Variants in TVP23B observed in about 807,000 individuals in gnomAD.
The protein encoded by TVP23B is trans-golgi network vesicle protein 23 homolog B, also known as Golgi apparatus membrane protein TVP23 homolog B.
A neutral mutation model predicts 30.6 loss-of-function variants in TVP23B; 10 were observed. The ratio of observed to expected loss-of-function variants is 0.33; its 90% CI spans 0.20 to 0.55. The LOEUF is 0.55. Among genes scored for constraint, TVP23B ranks in the 20% least tolerant of loss-of-function variants. TVP23B has a pLI of 0.91. For synonymous variants in TVP23B, 67 were observed against 83.1 expected (o/e 0.81, Z 1.06); for missense variants, 153 against 243.2 (o/e 0.63, Z 2.47).
At chr17:18,798,697 T>A (rs1282162186) in intron 4 of TVP23B, 115 bp from the exon 5 acceptor site, 2 of 1,386,900 alleles carry the variant, frequency 1.4e-6, no homozygotes, top group Non-Finnish European at 1.9e-6. Context: ...AACTTAGGAG[T>A]TGGGCTGTGT....
chr17:18,790,662 T>C (rs1217625348), intron 2 of TVP23B, among the ~76,000 whole-genome samples: 1 of 152,152 alleles, frequency 6.6e-6, no homozygotes, highest in Non-Finnish European at 1.5e-5. Context: ...TTATATTCAA[T>C]GAGGTGTTAA....
intron 1 of TVP23B, among the ~76,000 whole-genome samples, chr17:18,784,595 G>A (rs573722588): frequency 2.0e-5 from 3 of 152,280 alleles, no homozygotes; most frequent in Admixed American, 6.5e-5. Context: ...AGGTTGCAGT[G>A]AGCCAAGATC....
rs932717310 is a variant in TVP23B at position 18,805,610 on chromosome 17, A to T, written c.*43A>T. The T allele has an allele frequency of 1.1e-5, 17 of 1,592,762 alleles. 1 individual carries two copies. The highest frequency in any genetic ancestry group is 9.3e-5 in the Admixed American group (5 of 53,998). Reference sequence around the variant, plus strand: ...GCTTTGTTACATTGGGGAACAACTGAAGAGATTCTTGACTCAACCTTTTAG... The same window carrying T: ...GCTTTGTTACATTGGGGAACAACTGTAGAGATTCTTGACTCAACCTTTTAG... On this transcript the variant is annotated 3_prime_UTR_variant, in exon 7 of 7. Coordinates refer to ENST00000307767, the MANE Select transcript of TVP23B (RefSeq NM_016078.6).
chr17:18,782,988 G>A (rs1032836184), intron 1 of TVP23B, among the ~76,000 whole-genome samples: 5 of 150,396 alleles, frequency 3.3e-5, no homozygotes, highest in Admixed American at 6.7e-5. Flanking sequence ...TGAAGATGGA[G>A]TTGTTCAGGT....
At chr17:18,802,019 G>T (rs538881679) in intron 5 of TVP23B, among the ~76,000 whole-genome samples, 1 of 152,136 alleles carries the variant, frequency 6.6e-6, no homozygotes, top group South Asian at 2.1e-4. Context: ...TCAGGAGATC[G>T]AGACCATCCT....
At position 18,781,213 on chromosome 17, in the gene TVP23B, C is replaced by G. The variant is rs1002354226; in HGVS notation, c.-81C>G. 1.5e-4 allele frequency: 231 copies of G among 1,542,336 alleles called. 3 individuals are homozygous for G. Among genetic ancestry groups the G allele is most frequent in the Non-Finnish European group, 5.0e-5 (57 of 1,142,940 alleles). ...AGTGGTCCCTGCTGGCCCTTGGTGA[C>G]GGGTCGCCTCAGTTCCGACCCGGAC... On this transcript the variant is annotated 5_prime_UTR_variant, in exon 1 of 7. Coordinates refer to ENST00000307767, the MANE Select transcript of TVP23B (RefSeq NM_016078.6).
intron 2 of TVP23B, among the ~76,000 whole-genome samples, chr17:18,790,490 A>C (rs2035975923): frequency 1.3e-5 from 2 of 151,830 alleles, no homozygotes; most frequent in Non-Finnish European, 2.9e-5. Flanking sequence ...GAAAAGAAAG[A>C]AAGAAACAAA....
chr17:18,805,815 A>C lies in TVP23B; in HGVS notation c.*248A>C, dbSNP rs1451550488. On this transcript the variant is annotated 3_prime_UTR_variant, in exon 7 of 7. Transcript: ENST00000307767. ...GATTTGTTCTGTGGTGTAGGTATGC[A>C]CATTCCATAGGTATGCACACGGCCA... is the stretch of plus-strand genomic sequence containing the variant. 1 of 1,374,630 alleles carries C rather than the reference A, an allele frequency of 7.3e-7. No homozygotes were observed. Among genetic ancestry groups the C allele is most frequent in the African/African-American group, 1.5e-5 (1 of 68,224 alleles). 85.2% of individuals were successfully genotyped at this position (1,374,630 alleles called of 1,614,324 possible).
chr17:18,792,046 T>C (rs1475538873), intron 3 of TVP23B, among the ~76,000 whole-genome samples: 1 of 152,052 alleles, frequency 6.6e-6, no homozygotes, highest in Non-Finnish European at 1.5e-5. Context: ...AATTCTTTTT[T>C]TTTTGAGACG....
At chr17:18,788,242 A>G (rs1597615471) in intron 1 of TVP23B, among the ~76,000 whole-genome samples, 2 of 149,850 alleles carry the variant, frequency 1.3e-5, no homozygotes, top group Non-Finnish European at 3.0e-5. Flanking sequence ...GAGGCAGGAG[A>G]ATCACTTGAA....
rs540709466 is a variant in TVP23B at position 18,783,433 on chromosome 17, C to T, written c.12+2128C>T. Among the ~76,000 whole-genome samples the T allele has an allele frequency of 1.7e-4, 26 of 151,986 alleles. No individual in the cohort carries two copies. The East Asian group carries it at 4.6e-3, about 27-fold the overall frequency. On this transcript the variant is annotated intron_variant, in intron 1 of 6. Transcript: ENST00000307767. ...CGGTTCCCACTTGATAAATTTGTGA[C>T]GTGAACCTCAGTCGAGCCCTTAGTG...
chr17:18,790,830 C>G lies in TVP23B; in HGVS notation c.96-66C>G, dbSNP rs553575250. ...GTTACACGATGGCTAAAACATTTTT[C>G]TCTACATTTGCTAGTACCTGTAGTA... On this transcript the variant is annotated intron_variant, in intron 2 of 6. Coordinates refer to ENST00000307767, the MANE Select transcript of TVP23B (RefSeq NM_016078.6). The G allele has an allele frequency of 1.5e-5, 23 of 1,484,764 alleles. No homozygotes were observed. The East Asian group carries it at 4.3e-4, about 28-fold the overall frequency. The allele number at this position is 1,484,764 out of a possible 1,614,324, so 92.0% of individuals were successfully genotyped here. A position where few individuals can be genotyped will look rare whatever the true frequency, so the allele number is the denominator to read the frequency against.
intron 1 of TVP23B, among the ~76,000 whole-genome samples, chr17:18,784,234 A>T (rs1031418017): frequency 6.6e-6 from 1 of 152,154 alleles, no homozygotes; most frequent in Admixed American, 6.5e-5. Flanking sequence ...GACTTGTATC[A>T]TATATGCTTG....
chr17:18,795,748 A>T (rs561558460), intron 3 of TVP23B: 1 of 152,220 alleles, frequency 6.6e-6, no homozygotes, highest in Non-Finnish European at 1.5e-5. Context: ...GGTTTCAGTT[A>T]CTGCTATACA....
intron 5 of TVP23B, among the ~76,000 whole-genome samples, chr17:18,799,849 G>C (rs995873047): frequency 1.3e-5 from 2 of 151,732 alleles, no homozygotes; most frequent in Non-Finnish European, 2.9e-5. Flanking sequence ...TATTTTCTTA[G>C]TCCTATTTTG....
intron 1 of TVP23B, among the ~76,000 whole-genome samples, chr17:18,786,817 C>CT (rs1375145161): frequency 6.6e-6 from 1 of 150,766 alleles, no homozygotes; most frequent in Non-Finnish European, 1.5e-5. Context: ...CTTAGACAAA[C>CT]TTCCTGTATT....
At chr17:18,784,534 A>G (rs2035870058) in intron 1 of TVP23B, among the ~76,000 whole-genome samples, 1 of 152,098 alleles carries the variant, frequency 6.6e-6, no homozygotes, top group Non-Finnish European at 1.5e-5. Context: ...GGTCTCAGCT[A>G]CTCGGGAGGC....
chr17:18,799,554 G>A (rs1302613828), intron 5 of TVP23B, among the ~76,000 whole-genome samples: 1 of 152,168 alleles, frequency 6.6e-6, no homozygotes, highest in Non-Finnish European at 1.5e-5. Context: ...CGCTTCTGCT[G>A]CCCACTCACA....
chr17:18,784,301 T>A (rs975982520), intron 1 of TVP23B, among the ~76,000 whole-genome samples: 2 of 152,172 alleles, frequency 1.3e-5, no homozygotes, highest in Non-Finnish European at 2.9e-5. Flanking sequence ...TCTTCCCCTC[T>A]CCCAACCATA....
Sources: gnomAD v4.1 joint callset for allele counts (sites outside exome capture counted in the v4.1 genomes callset) on GRCh38, gnomAD v4.1.1 for gene constraint, MANE v1.5 for transcripts, NCBI Gene and HGNC (gene_info 2026-07-23, HGNC 2026-07-21) for gene names.